MRPL23: variants seen among roughly 807,000 people sequenced by gnomAD.
MRPL23 encodes mitochondrial ribosomal protein L23, also known as large ribosomal subunit protein uL23m.
For missense variants in MRPL23, 25 were observed against 81.3 expected, an observed-to-expected ratio of 0.31 and a Z score of 2.66; for synonymous variants, 12 against 34.8, an observed-to-expected ratio of 0.35 and a Z score of 2.30.
chr11:1,952,073 A>AT, intron 2 of MRPL23, 54 bp from the exon 3 acceptor site: 1 of 184,888 alleles, frequency 5.4e-6, no homozygotes, highest in Non-Finnish European at 8.3e-6. Context: ...CTGGGACAGT[A>AT]TTTTTGGCTT....
the MRPL23 span, chr11:1,991,918 G>A: frequency 3.2e-5 from 4 of 126,358 alleles, no homozygotes; most frequent in African/African-American, 1.1e-4. Context: ...CCTGTTGAAG[G>A]GACTTCACTT....
the MRPL23 span, chr11:1,991,816 G>A: frequency 1.5e-5 from 2 of 136,220 alleles, no homozygotes; most frequent in Admixed American, 7.4e-5. Context: ...GCTCGGGGTC[G>A]GGGAGAGGGG....
chr11:1,992,508 G>A, the MRPL23 span, among the ~76,000 whole-genome samples: 1 of 44,048 alleles, frequency 2.3e-5, no homozygotes, highest in African/African-American at 5.0e-5. Flanking sequence ...GGTCTGGGAC[G>A]TGGCCAGAAG....
At chr11:1,988,960 C>T (rs1236495358), downstream of MRPL23, among the ~76,000 whole-genome samples, 3 of 142,884 alleles carry the variant, frequency 2.1e-5, no homozygotes, top group African/African-American at 7.4e-5. Context: ...CACACACGCT[C>T]CCAGGCGCTT....
chr11:1,954,155 GT>G (rs1349212469), intron 4 of MRPL23, among the ~76,000 whole-genome samples: 4 of 135,276 alleles, frequency 3.0e-5, no homozygotes, highest in African/African-American at 1.1e-4. Context: ...CTGCCCGCGT[GT>G]TGTTCTCCCT....
downstream of MRPL23, among the ~76,000 whole-genome samples, chr11:1,963,834 CA>C (rs1423948223): frequency 1.7e-5 from 2 of 118,594 alleles, no homozygotes; most frequent in African/African-American, 5.8e-5. Context: ...CATTGTCTGT[CA>C]GTACGAGACG....
At chr11:1,983,474 G>A (rs563187434) in intron 5 of MRPL23, 2 of 81,652 alleles carry the variant, frequency 2.4e-5, no homozygotes, top group African/African-American at 8.7e-5. Flanking sequence ...CACCTGGCCC[G>A]GCCAGCGGCC....
chr11:1,983,488 G>T (rs1856773105), intron 5 of MRPL23: 2 of 88,208 alleles, frequency 2.3e-5, no homozygotes, highest in Non-Finnish European at 5.0e-5. Context: ...AGCGGCCCAT[G>T]AAGCCGTCTT....
chr11:1,983,506 C>T (rs1368700167), intron 5 of MRPL23: 4 of 94,636 alleles, frequency 4.2e-5, no homozygotes, highest in Admixed American at 1.0e-4. Context: ...CTTTCTCCCA[C>T]GGGCCGTCCC....
the MRPL23 span, among the ~76,000 whole-genome samples, chr11:1,994,527 T>G: frequency 4.2e-5 from 4 of 96,024 alleles, 1 homozygote; most frequent in African/African-American, 1.1e-4. Flanking sequence ...TCCCCTGGCC[T>G]CCTTAGGACC....
downstream of MRPL23, among the ~76,000 whole-genome samples, chr11:1,959,248 A>G (rs1856453925): frequency 1.6e-5 from 1 of 64,240 alleles, no homozygotes; most frequent in African/African-American, 4.8e-5. Context: ...AGGAGCGCGG[A>G]GCAGGCCGGG....
intron 1 of MRPL23, among the ~76,000 whole-genome samples, chr11:1,950,614 T>C (rs217199): frequency 0.14 from 2,306 of 16,546 alleles, 885 homozygotes; most frequent in East Asian, 0.91. Flanking sequence ...TTAGCTACCC[T>C]GTTTCCCGCC....
the MRPL23 span, chr11:1,992,388 C>T: frequency 2.1e-5 from 2 of 93,710 alleles, no homozygotes; most frequent in African/African-American, 5.5e-5. Context: ...GCAGCACGCG[C>T]CTCAAGTCCT....
At chr11:1,991,686 TGGCCCCCATGTTGGGAGGGCCGAGGAG>T in the MRPL23 span, among the ~76,000 whole-genome samples, 4 of 133,242 alleles carry the variant, frequency 3.0e-5, no homozygotes, top group African/African-American at 1.0e-4. Flanking sequence ...GCTGACCTCC[TGGCCCCCATGTTGGGAGGGCCGAGGAG>T]GGCCCCCGCC....
intron 4 of MRPL23, among the ~76,000 whole-genome samples, chr11:1,971,130 C>G (rs1378543271): frequency 6.9e-6 from 1 of 145,302 alleles, no homozygotes; most frequent in East Asian, 2.0e-4. Context: ...CTGTCCAGCC[C>G]TCCCATCTGT....
the MRPL23 span, among the ~76,000 whole-genome samples, chr11:1,994,258 G>A: frequency 3.1e-5 from 3 of 97,462 alleles, 1 homozygote; most frequent in East Asian, 5.8e-4. Context: ...TGTTCCCAGC[G>A]CCTGCACAGC....
the MRPL23 span, chr11:1,992,313 G>T: frequency 1.0e-5 from 1 of 98,630 alleles, no homozygotes; most frequent in African/African-American, 2.6e-5. Context: ...GGTGTGTACG[G>T]CCCACAGAGC....
At chr11:1,960,085 T>C (rs112299106), downstream of MRPL23, among the ~76,000 whole-genome samples, 26 of 107,222 alleles carry the variant, frequency 2.4e-4, 3 homozygotes, top group African/African-American at 8.0e-4. Context: ...GCTGTGCTCA[T>C]AGCTGGACGG....
chr11:1,984,294 G>A (rs550149723), intron 5 of MRPL23: 1 of 3,792 alleles, frequency 2.6e-4, no homozygotes, highest in African/African-American at 7.2e-4. Context: ...TTTTCTGGAT[G>A]CTCCCTTACT....
Sources: gnomAD v4.1 joint callset for allele counts (sites outside exome capture counted in the v4.1 genomes callset) on GRCh38, gnomAD v4.1.1 for gene constraint, MANE v1.5 for transcripts, NCBI Gene and HGNC (gene_info 2026-07-23, HGNC 2026-07-21) for gene names.